Variants in ROBO1 observed in about 807,000 individuals in gnomAD.
ROBO1 encodes roundabout homolog 1.
In ROBO1, 149 loss-of-function variants were observed where a neutral mutation model predicts 195.9. That is an observed-to-expected ratio of 0.76 (90% CI 0.67 to 0.87). The LOEUF is 0.87. Ranked by LOEUF, ROBO1 falls within the 40% of genes least tolerant of loss-of-function variation. The pLI, the probability that ROBO1 is intolerant of heterozygous loss-of-function variation, is 0.00. For missense variants in ROBO1, 1,933 were observed against 2,068.3 expected (o/e 0.93, Z 1.27); for synonymous variants, 816 against 733.2 (o/e 1.11, Z -1.82).
intron 26 of ROBO1, among the ~76,000 whole-genome samples, chr3:78,624,757 G>C (rs1470316439): frequency 6.6e-6 from 1 of 152,096 alleles, no homozygotes; most frequent in Non-Finnish European, 1.5e-5. Context: ...AAACTGGTTA[G>C]TGTGGTAACA....
intron 4 of ROBO1, among the ~76,000 whole-genome samples, chr3:78,933,512 G>C (rs9871957): frequency 0.12 from 18,162 of 151,982 alleles, 2,752 homozygotes; most frequent in African/African-American, 0.36. Flanking sequence ...ATTTAAACCT[G>C]ATATTTGGAT....
At chr3:79,211,822 G>A (rs917386867) in intron 2 of ROBO1, among the ~76,000 whole-genome samples, 3 of 152,134 alleles carry the variant, frequency 2.0e-5, no homozygotes, top group African/African-American at 7.2e-5. Context: ...TAGCTGCGCT[G>A]GAGGAATTAA....
chr3:79,252,709 A>C (rs2082754916), intron 2 of ROBO1, among the ~76,000 whole-genome samples: 1 of 152,210 alleles, frequency 6.6e-6, no homozygotes, highest in African/African-American at 2.4e-5. Flanking sequence ...AAAGTCTGGA[A>C]GAAAAAATTT....
chr3:78,976,033 T>C (rs1012663198), intron 3 of ROBO1, among the ~76,000 whole-genome samples: 15 of 152,198 alleles, frequency 9.9e-5, no homozygotes, highest in Admixed American at 6.6e-5. Context: ...TTCTTGTTTT[T>C]GTGTTTTCTA....
intron 2 of ROBO1, among the ~76,000 whole-genome samples, chr3:79,581,809 G>A (rs1376725658): frequency 1.3e-5 from 2 of 151,922 alleles, no homozygotes; most frequent in East Asian, 1.9e-4. Flanking sequence ...AAAAATTACT[G>A]TTTCAATAAA....
At chr3:79,082,623 T>C (rs957843122) in intron 3 of ROBO1, among the ~76,000 whole-genome samples, 2 of 152,174 alleles carry the variant, frequency 1.3e-5, no homozygotes, top group African/African-American at 4.8e-5. Flanking sequence ...GCCTCAAGTG[T>C]GGTTCAAAAT....
chr3:79,365,862 A>T (rs532783652), intron 2 of ROBO1, among the ~76,000 whole-genome samples: 1 of 146,286 alleles, frequency 6.8e-6, no homozygotes, highest in Non-Finnish European at 1.5e-5. Context: ...GCGCCACTGC[A>T]CTCCAGCCTG....
intron 3 of ROBO1, among the ~76,000 whole-genome samples, chr3:79,087,690 T>C (rs1195425782): frequency 6.6e-6 from 1 of 152,016 alleles, no homozygotes; most frequent in Non-Finnish European, 1.5e-5. Context: ...AAGCTAAGCT[T>C]GTGATTTTTG....
chr3:79,668,424 CA>C (rs59728866), intron 1 of ROBO1, among the ~76,000 whole-genome samples: 42,484 of 147,896 alleles, frequency 0.29, 6,119 homozygotes, highest in East Asian at 0.37. Flanking sequence ...CTCTGTGAAG[CA>C]AAAAAAAAAA....
chr3:79,419,253 G>C (rs551889956), intron 2 of ROBO1, among the ~76,000 whole-genome samples: 8 of 152,034 alleles, frequency 5.3e-5, no homozygotes, highest in Non-Finnish European at 1.2e-4. Flanking sequence ...CAAATTGATA[G>C]GTGTTTAATG....
At chr3:78,889,463 G>A (rs1448271106) in intron 4 of ROBO1, among the ~76,000 whole-genome samples, 1 of 152,126 alleles carries the variant, frequency 6.6e-6, no homozygotes, top group Admixed American at 6.6e-5. Context: ...TGTGCGTAAG[G>A]GTACACTCAT....
chr3:79,744,957 T>G (rs1345347603), intron 1 of ROBO1, among the ~76,000 whole-genome samples: 1 of 152,080 alleles, frequency 6.6e-6, no homozygotes, highest in African/African-American at 2.4e-5. Context: ...GTGAATGCTT[T>G]AAATGCCTAT....
At chr3:79,324,567 C>G (rs1488847567) in intron 2 of ROBO1, among the ~76,000 whole-genome samples, 3 of 151,892 alleles carry the variant, frequency 2.0e-5, no homozygotes, top group Admixed American at 6.6e-5. Flanking sequence ...GAAGAGATTA[C>G]TTATCAGGAG....
At chr3:79,386,490 T>C (rs1036972010) in intron 2 of ROBO1, among the ~76,000 whole-genome samples, 1 of 152,120 alleles carries the variant, frequency 6.6e-6, no homozygotes, top group Admixed American at 6.6e-5. Flanking sequence ...TAATTAGTTT[T>C]CAATGAGACT....
At chr3:78,765,450 C>A (rs1286714726) in intron 4 of ROBO1, among the ~76,000 whole-genome samples, 1 of 151,458 alleles carries the variant, frequency 6.6e-6, no homozygotes, top group Non-Finnish European at 1.5e-5. Flanking sequence ...TATATAGCAA[C>A]CTCAGTTGAT....
In ROBO1 at chr3:78,668,528, G is replaced by T; in HGVS notation, c.1586C>A (p.Thr529Asn). 1 of 1,613,842 alleles carries T rather than the reference G, an allele frequency of 6.2e-7. No homozygotes were observed. Among genetic ancestry groups the T allele is most frequent in the East Asian group, 2.2e-5 (1 of 44,876 alleles). ...DTGRYTCIASTPSGEATWSAY... is the reference protein window; with the variant it reads ...DTGRYTCIASNPSGEATWSAY... Reference sequence around the variant, plus strand: ...ACTCCATGTTGCTTCACCACTGGGGGTTGATGCAATGCAGGTGTACCGACC... The same window carrying T: ...ACTCCATGTTGCTTCACCACTGGGGTTTGATGCAATGCAGGTGTACCGACC... The change falls in exon 12 of 31, where the codon ACC becomes AAC. Residue 529 changes from threonine to asparagine, a missense_variant. Transcript: ENST00000464233.
intron 25 of ROBO1, 107 bp from the exon 26 acceptor site, chr3:78,627,676 C>A (rs1704902149): frequency 4.2e-6 from 5 of 1,204,028 alleles, no homozygotes; most frequent in Non-Finnish European, 5.7e-6. Context: ...TCTGAACGTT[C>A]TCAGTCACAT....
intron 2 of ROBO1, among the ~76,000 whole-genome samples, chr3:79,546,474 A>C (rs1942268834): frequency 6.6e-6 from 1 of 152,150 alleles, no homozygotes; most frequent in African/African-American, 2.4e-5. Flanking sequence ...AAATTCATTG[A>C]CTTTTTTTGT....
At chr3:78,636,230 T>C in intron 22 of ROBO1, 122 bp from the exon 23 acceptor site, 1 of 636,796 alleles carries the variant, frequency 1.6e-6, no homozygotes, top group Non-Finnish European at 2.6e-6. Context: ...TGGGCTTAAA[T>C]AAGATCAATA....
Sources: gnomAD v4.1 joint callset for allele counts (sites outside exome capture counted in the v4.1 genomes callset) on GRCh38, gnomAD v4.1.1 for gene constraint, MANE v1.5 for transcripts, NCBI Gene and HGNC (gene_info 2026-07-23, HGNC 2026-07-21) for gene names.